The following ABL1 variants were observed in gnomAD, a reference collection of about 807,000 sequenced individuals.
ABL1 encodes ABL proto-oncogene 1, non-receptor tyrosine kinase, also known as tyrosine-protein kinase ABL1.
In ABL1, 11 loss-of-function variants were observed where a neutral mutation model predicts 94.7. The ratio of observed to expected loss-of-function variants is 0.12; its 90% CI spans 0.07 to 0.19. ABL1 has a LOEUF of 0.19. ABL1 is among the 10% of genes least tolerant of loss of function. The pLI, the probability that ABL1 is intolerant of heterozygous loss-of-function variation, is 1.00. For missense variants in ABL1, 1,082 were observed against 1,489.4 expected (o/e 0.73, Z 4.50); for synonymous variants, 656 against 622.4 (o/e 1.05, Z -0.80).
Position 130,716,186 on chromosome 9 carries a change from C to T in ABL1, c.136+1731C>T, listed in dbSNP as rs1229025737. 2.1e-5 allele frequency among the ~76,000 whole-genome samples: 3 copies of T among 144,998 alleles called. No individual in the cohort carries two copies. The Admixed American group carries it at 2.2e-4, about 11-fold the overall frequency. ...CTCGGCTCACTGTAACTTCTGCCTC[C>T]TGGGTTCAAGCGATTCTCCTGCCTC... On this transcript the variant is annotated intron_variant, in intron 1 of 10. Coordinates refer to the ABL1 transcript ENST00000372348.
chr9:130,747,224 T>C (rs2132721164), intron 1 of ABL1, among the ~76,000 whole-genome samples: 1 of 152,112 alleles, frequency 6.6e-6, no homozygotes, highest in South Asian at 2.1e-4. Context: ...AAAATATTTT[T>C]AAAATTAGTT....
At chr9:130,811,581 A>G (rs1830207958) in intron 1 of ABL1, among the ~76,000 whole-genome samples, 1 of 152,152 alleles carries the variant, frequency 6.6e-6, no homozygotes, top group South Asian at 2.1e-4. Context: ...GTGATAAGTT[A>G]AAGATGCATA....
At position 130,878,443 on chromosome 9, in the gene ABL1, T is replaced by C; in HGVS notation, c.1299T>C (p.Ala433=). ...TTGGAGTATTGCTTTGGGAAATTGC[T>C]ACCTATGGCATGTCCCCTTACCCGG... ...WAFGVLLWEI[A]TYGMSPYPGI... Residue 433 remains alanine (A), a synonymous_variant, in exon 8 of 11, where the codon GCT becomes GCC. Coordinates refer to ENST00000318560, the MANE Select transcript of ABL1 (RefSeq NM_005157.6). The C allele has an allele frequency of 6.2e-7, 1 of 1,614,254 alleles. No individual in the cohort carries two copies. The highest frequency in any genetic ancestry group is 1.1e-5 in the South Asian group (1 of 91,088).
intron 1 of ABL1, among the ~76,000 whole-genome samples, chr9:130,745,110 G>A (rs12350576): frequency 1.2e-4 from 18 of 149,282 alleles, no homozygotes; most frequent in African/African-American, 4.4e-4. Flanking sequence ...GGGGGGCAGA[G>A]TTTTGCTCTT....
exon 1 of ABL1, among the ~76,000 whole-genome samples, chr9:130,713,378 C>T (rs975885115): frequency 3.9e-5 from 6 of 152,210 alleles, no homozygotes; most frequent in Non-Finnish European, 8.8e-5. Flanking sequence ...CTTTGGGACA[C>T]TGCGGGTGGT....
intron 1 of ABL1, among the ~76,000 whole-genome samples, chr9:130,768,463 C>T (rs1221926141): frequency 1.3e-5 from 2 of 152,178 alleles, no homozygotes; most frequent in African/African-American, 2.4e-5. Context: ...CACCAAGGAG[C>T]AGAAACAGGA....
chr9:130,830,138 A>C (rs1830477207), intron 1 of ABL1, among the ~76,000 whole-genome samples: 1 of 152,240 alleles, frequency 6.6e-6, no homozygotes, highest in African/African-American at 2.4e-5. Flanking sequence ...AAAAATGAGC[A>C]TACTAATACC....
chr9:130,775,470 C>T (rs1363646158), intron 1 of ABL1, among the ~76,000 whole-genome samples: 1 of 151,992 alleles, frequency 6.6e-6, no homozygotes, highest in Non-Finnish European at 1.5e-5. Flanking sequence ...ATGAAAACTA[C>T]GATCAGTGAA....
Position 130,885,361 on chromosome 9 carries a change from G to A in ABL1, c.3071G>A (p.Ser1024Asn). The A allele has an allele frequency of 6.2e-7, 1 of 1,613,660 alleles. No individual in the cohort carries two copies. Among genetic ancestry groups the A allele is most frequent in the Non-Finnish European group, 8.5e-7 (1 of 1,180,030 alleles). ...CGCCAGCCTCCAGAGCGGATCGCCA[G>A]CGGCGCCATCACCAAGGGCGTGGTC... is the stretch of plus-strand genomic sequence containing the variant. Reference protein sequence around the residue: ...KTRQPPERIASGAITKGVVLD... With the variant: ...KTRQPPERIANGAITKGVVLD... Residue 1024 changes from serine (S) to asparagine (N), a missense_variant, in exon 11 of 11, where the codon AGC becomes AAC. Coordinates refer to ENST00000318560, the MANE Select transcript of ABL1 (RefSeq NM_005157.6).
At chr9:130,832,343 AT>A (rs1830503927), upstream of ABL1, among the ~76,000 whole-genome samples, 1 of 151,594 alleles carries the variant, frequency 6.6e-6, no homozygotes, top group Non-Finnish European at 1.5e-5. Context: ...AAAAAAAAAA[AT>A]CTTAAATAGC....
chr9:130,753,502 T>A (rs2855168), intron 1 of ABL1, among the ~76,000 whole-genome samples: 42,282 of 143,620 alleles, frequency 0.29, 8,615 homozygotes, highest in African/African-American at 0.56. Flanking sequence ...CTTGGCTCAC[T>A]GCAACCTCTG....
chr9:130,728,993 C>G (rs1412873745), intron 1 of ABL1, among the ~76,000 whole-genome samples: 1 of 152,068 alleles, frequency 6.6e-6, no homozygotes, highest in Non-Finnish European at 1.5e-5. Flanking sequence ...TTTGTTTTGA[C>G]AAGTAGTTAG....
chr9:130,746,663 T>G (rs1442824161), intron 1 of ABL1, among the ~76,000 whole-genome samples: 1 of 152,040 alleles, frequency 6.6e-6, no homozygotes, highest in Non-Finnish European at 1.5e-5. Context: ...TGGCACAGTT[T>G]GCTTATTCAT....
chr9:130,789,264 G>A (rs1439139811), intron 1 of ABL1, among the ~76,000 whole-genome samples: 1 of 152,212 alleles, frequency 6.6e-6, no homozygotes, highest in African/African-American at 2.4e-5. Context: ...ATTTCTGTCT[G>A]AGCTTTCACT....
intron 1 of ABL1, among the ~76,000 whole-genome samples, chr9:130,778,488 C>T (rs1026399995): frequency 1.2e-4 from 19 of 152,138 alleles, no homozygotes; most frequent in African/African-American, 4.3e-4. Context: ...GGCTGGCTGC[C>T]GCTTCATATA....
chr9:130,815,109 G>A (rs562952117), intron 1 of ABL1, among the ~76,000 whole-genome samples: 6 of 152,088 alleles, frequency 3.9e-5, no homozygotes, highest in South Asian at 2.1e-4. Flanking sequence ...TGAGGCAGGT[G>A]GATCACCTGA....
intron 1 of ABL1, among the ~76,000 whole-genome samples, chr9:130,733,880 A>G (rs753634220): frequency 7.3e-5 from 11 of 151,426 alleles, no homozygotes; most frequent in Admixed American, 1.3e-4. Flanking sequence ...GTGAGCCACT[A>G]CGCCTGGCCT....
intron 10 of ABL1, among the ~76,000 whole-genome samples, chr9:130,883,225 C>T (rs1831495660): frequency 6.6e-6 from 1 of 151,972 alleles, no homozygotes; most frequent in Non-Finnish European, 1.5e-5. Context: ...GGGCCGGGTG[C>T]AGTGGCTCAT....
rs774359039 is a variant in ABL1, at chr9:130,714,342, T to G, written c.23T>G (p.Val8Gly). ...TTTATGGGGCAGCAGCCTGGAAAAG[T>G]ACTTGGGGACCAAAGAAGGCCAAGC... Residue 8 changes from valine to glycine, a missense_variant, in exon 1 of 11, where the codon GTA (valine) becomes GGA (glycine). Transcript: ENST00000372348. The G allele has an allele frequency of 1.1e-5, 18 of 1,612,148 alleles. No individual in the cohort carries two copies. In the South Asian group the frequency reaches 1.5e-4, roughly 14 times the overall value.
Sources: gnomAD v4.1 joint callset for allele counts (sites outside exome capture counted in the v4.1 genomes callset) on GRCh38, gnomAD v4.1.1 for gene constraint, MANE v1.5 for transcripts, NCBI Gene and HGNC (gene_info 2026-07-23, HGNC 2026-07-21) for gene names.